KCNQ1: variants seen among roughly 807,000 people sequenced by gnomAD.
The protein encoded by KCNQ1 is potassium voltage-gated channel subfamily KQT member 1.
In KCNQ1, 49 loss-of-function variants were observed where a neutral mutation model predicts 72.4. The observed-to-expected ratio is 0.68, with a 90% confidence interval of 0.54 to 0.86. The LOEUF (loss-of-function observed/expected upper bound fraction) is 0.86. KCNQ1 is among the 40% of genes least tolerant of loss of function. KCNQ1 has a pLI of 0.00. For synonymous variants in KCNQ1, 450 were observed against 412.6 expected (o/e 1.09, Z -1.10); for missense variants, 790 against 945.1 (o/e 0.84, Z 2.15).
In KCNQ1 at chr11:2,762,874, A is replaced by G. The variant is rs1349374066; in HGVS notation, c.1515-5970A>G. Among the ~76,000 whole-genome samples the G allele has an allele frequency of 6.6e-6, 1 of 152,130 alleles. No homozygotes were observed. Among genetic ancestry groups the G allele is most frequent in the Admixed American group, 6.5e-5 (1 of 15,280 alleles). On this transcript the variant is annotated intron_variant, in intron 11 of 15. Transcript: ENST00000155840. This position sits in a 1 kb window ranked among gnomAD's most constrained non-coding sequence, Gnocchi z 4.3. The stretch of plus-strand genomic sequence containing the variant: ...TCCCTGGTGCCAAAAAGGTTGGGGA[A>G]CCACTGCCCTATTCCGTCAGACCCC...
At chr11:2,554,709 A>G (rs973943714) in intron 2 of KCNQ1, among the ~76,000 whole-genome samples, 1 of 152,240 alleles carries the variant, frequency 6.6e-6, no homozygotes, top group Non-Finnish European at 1.5e-5. Context: ...ATGAAATTTA[A>G]GAAGACAGGC....
At chr11:2,845,149 G>A (rs963291154) in intron 15 of KCNQ1, among the ~76,000 whole-genome samples, 2 of 152,228 alleles carry the variant, frequency 1.3e-5, no homozygotes, top group African/African-American at 2.4e-5. Flanking sequence ...CAGGAGCCAC[G>A]GGGGTCAGGG....
At chr11:2,680,703 T>C (rs1027647223) in intron 11 of KCNQ1, 1 of 398,398 alleles carries the variant, frequency 2.5e-6, no homozygotes, top group Non-Finnish European at 4.4e-6. Flanking sequence ...TGTCCCCCTT[T>C]TATAGCTACC....
rs1849164432 is a variant in KCNQ1, at chr11:2,621,103, GAGTA to G, written c.1393+32250_1393+32253del. ...AGCAATTCTCCTGTCTCAGACTCCT[GAGTA>G]GCTGGGATTACAGGTGACCGCCACC... is the stretch of plus-strand genomic sequence containing the variant. On this transcript the variant is annotated intron_variant, in intron 10 of 15. Transcript: ENST00000155840. This position sits in a 1 kb window ranked among gnomAD's most constrained non-coding sequence, Gnocchi z 5.7. 2.5e-6 allele frequency: 1 copy of G among 396,778 alleles called. No homozygotes were observed. Among genetic ancestry groups the G allele is most frequent in the African/African-American group, 2.1e-5 (1 of 48,512 alleles). The allele number at this position is 396,778 out of a possible 1,614,324, so 24.6% of individuals were successfully genotyped here.
chr11:2,663,476 A>G lies in KCNQ1; in HGVS notation c.1514+1395A>G. ...GTGATCAGTGTTAGTTTAGTGGCTC[A>G]TGTTGTGTGCAATACAGGTGGCAGT... is the stretch of plus-strand genomic sequence containing the variant. On this transcript the variant is annotated intron_variant, in intron 11 of 15. Transcript: ENST00000155840. The surrounding 1 kb of genome is among the most constrained non-coding windows in gnomAD (Gnocchi z 5.2). The G allele has an allele frequency of 2.5e-6, 1 of 398,624 alleles. No homozygotes were observed. Among genetic ancestry groups the G allele is most frequent in the Non-Finnish European group, 4.4e-6 (1 of 226,098 alleles). The allele number at this position is 398,624 out of a possible 1,614,324, so 24.7% of individuals were successfully genotyped here.
At chr11:2,705,478 G>A (rs77019607) in intron 11 of KCNQ1, among the ~76,000 whole-genome samples, 2 of 121,208 alleles carry the variant, frequency 1.7e-5, no homozygotes, top group Non-Finnish European at 3.4e-5. Context: ...TGCCAGGCAC[G>A]GGGGGGTGGG....
rs1053355907 is a variant in KCNQ1 at position 2,541,126 on chromosome 11, TCAGG to T, written c.477+13117_477+13120del. On this transcript the variant is annotated intron_variant, in intron 2 of 15. Coordinates refer to ENST00000155840, the MANE Select transcript of KCNQ1 (RefSeq NM_000218.3). This position sits in a 1 kb window ranked among gnomAD's most constrained non-coding sequence, Gnocchi z 4.8. Reference sequence around the variant, plus strand: ...ACACGTGCACACCCAGCCCTGGACCTCAGGCAGGCAGGGAGAGAGACCCCCTTGG... The same window carrying T: ...ACACGTGCACACCCAGCCCTGGACCTCAGGCAGGGAGAGAGACCCCCTTGG... Among the ~76,000 whole-genome samples the T allele has an allele frequency of 2.6e-5, 4 of 152,252 alleles. No homozygotes were observed. Among genetic ancestry groups the T allele is most frequent in the African/African-American group, 9.6e-5 (4 of 41,474 alleles).
intron 15 of KCNQ1, among the ~76,000 whole-genome samples, chr11:2,791,510 A>AAAATAGATGTCCC (rs1847021719): frequency 6.6e-6 from 1 of 152,034 alleles, no homozygotes; most frequent in African/African-American, 2.4e-5. Context: ...GTCACCATCA[A>AAAATAGATGTCCC]AAATAGATGT....
At chr11:2,513,881 C>T (rs934596031) in intron 1 of KCNQ1, among the ~76,000 whole-genome samples, 5 of 152,212 alleles carry the variant, frequency 3.3e-5, no homozygotes, top group Non-Finnish European at 5.9e-5. Flanking sequence ...TTCACCTGCC[C>T]GGCTAAAGCC....
chr11:2,638,543 C>T (rs1056548312), intron 10 of KCNQ1: 8 of 152,130 alleles, frequency 5.3e-5, no homozygotes, highest in South Asian at 2.1e-4. Flanking sequence ...CTGAGAGATC[C>T]GCCGTTAGTC....
chr11:2,485,237 C>T (rs912673850), intron 1 of KCNQ1, among the ~76,000 whole-genome samples: 1 of 152,072 alleles, frequency 6.6e-6, no homozygotes, highest in Non-Finnish European at 1.5e-5. Context: ...TTTTTAGTTA[C>T]TTATCTGGGG....
At chr11:2,465,634 C>T (rs144277246) in intron 1 of KCNQ1, among the ~76,000 whole-genome samples, 3 of 152,194 alleles carry the variant, frequency 2.0e-5, no homozygotes, top group East Asian at 1.9e-4. Context: ...TGTACCAGTG[C>T]CTGCTTGGGG....
intron 13 of KCNQ1, 79 bp downstream of exon 13, chr11:2,776,133 G>C: frequency 8.2e-7 from 1 of 1,220,570 alleles, no homozygotes; most frequent in Non-Finnish European, 1.2e-6. Context: ...CAGCGGTGCC[G>C]GAGGAGGGAG....
chr11:2,655,673 C>G (rs1215049895), intron 10 of KCNQ1: 2 of 136,384 alleles, frequency 1.5e-5, no homozygotes, highest in African/African-American at 5.4e-5. Context: ...AGAGCTGAAT[C>G]CCCACCCACC....
intron 10 of KCNQ1, chr11:2,643,108 G>T (rs1849605361): frequency 5.0e-6 from 2 of 398,052 alleles, no homozygotes; most frequent in Non-Finnish European, 8.9e-6. Context: ...AGTGTTCCAT[G>T]TACTGATGAG....
intron 11 of KCNQ1, chr11:2,692,942 G>C (rs555877260): frequency 2.5e-6 from 1 of 398,660 alleles, no homozygotes; most frequent in African/African-American, 2.1e-5. Context: ...AGGTTGTCCT[G>C]CCCATACGCT....
chr11:2,630,337 T>C (rs1343766377), intron 10 of KCNQ1: 1 of 398,168 alleles, frequency 2.5e-6, no homozygotes, highest in Non-Finnish European at 4.4e-6. Flanking sequence ...AATTTTTAAA[T>C]GTATAGTCAT....
At chr11:2,499,455 A>G (rs924921601) in intron 1 of KCNQ1, among the ~76,000 whole-genome samples, 9 of 152,052 alleles carry the variant, frequency 5.9e-5, no homozygotes, top group Admixed American at 2.0e-4. Flanking sequence ...GTCCTTACGT[A>G]TCAATAATAA....
rs1846015558 is a variant in KCNQ1, at chr11:2,445,191, C to G, written c.93C>G (p.Ala31=). 8.7e-7 allele frequency: 1 copy of G among 1,149,088 alleles called. No individual in the cohort carries two copies. Among genetic ancestry groups the G allele is most frequent in the African/African-American group, 1.7e-5 (1 of 60,206 alleles). 71.2% of individuals were successfully genotyped at this position (1,149,088 alleles called of 1,614,324 possible). ...CCCGGCGGGGCAGCGCGGGCCTGGCCAAGAAGTGCCCCTTCTCGCTGGAGC... is the reference window on the plus strand; with the variant it reads ...CCCGGCGGGGCAGCGCGGGCCTGGCGAAGAAGTGCCCCTTCTCGCTGGAGC... The part of the protein sequence containing the change: ...PGARRGSAGL[A]KKCPFSLELA... Residue 31 remains alanine (A), a synonymous_variant, in exon 1 of 16, where the codon GCC becomes GCG. Coordinates refer to ENST00000155840, the MANE Select transcript of KCNQ1 (RefSeq NM_000218.3).
Sources: gnomAD v4.1 joint callset for allele counts (sites outside exome capture counted in the v4.1 genomes callset) on GRCh38, gnomAD v4.1.1 for gene constraint, Gnocchi (gnomAD v3.1) non-coding constraint, MANE v1.5 for transcripts, NCBI Gene and HGNC (gene_info 2026-07-23, HGNC 2026-07-21) for gene names.